The following PTPRM variants were observed in gnomAD, a reference collection of about 807,000 sequenced individuals.
The protein encoded by PTPRM is receptor-type tyrosine-protein phosphatase mu.
Under a neutral mutation model 186.7 loss-of-function variants are expected in PTPRM, and 47 were observed. That is an observed-to-expected ratio of 0.25 (90% CI 0.20 to 0.32). The LOEUF (loss-of-function observed/expected upper bound fraction) is 0.32. Among genes scored for constraint, PTPRM ranks in the 10% least tolerant of loss-of-function variants. The probability of loss-of-function intolerance (pLI) is 1.00; values close to 1 mark genes in which losing one functional copy is unlikely to be tolerated. For synonymous variants in PTPRM, 668 were observed against 674.9 expected (o/e 0.99, Z 0.16); for missense variants, 1,494 against 1,865.0 (o/e 0.80, Z 3.66).
rs1396643912 is a variant in PTPRM, at chr18:7,901,137, C to T, written c.469-5368C>T. ...CTGGGTTCTGCACACACTTGGTATA[C>T]TTCACTAGAGCAATACCTGTACTTT... On this transcript the variant is annotated intron_variant, in intron 3 of 32. Transcript: ENST00000580170. 5.3e-5 allele frequency among the ~76,000 whole-genome samples: 8 copies of T among 152,194 alleles called. No individual in the cohort carries two copies. In the East Asian group the frequency reaches 1.5e-3, roughly 29 times the overall value.
intron 5 of PTPRM, among the ~76,000 whole-genome samples, chr18:7,937,805 C>A (rs1296102545): frequency 6.6e-6 from 1 of 152,184 alleles, no homozygotes; most frequent in Non-Finnish European, 1.5e-5. Context: ...TTGTCGTCAT[C>A]AGCTTGTGTG....
intron 14 of PTPRM, among the ~76,000 whole-genome samples, chr18:8,207,050 G>A (rs1489349769): frequency 6.6e-6 from 1 of 152,128 alleles, no homozygotes; most frequent in Non-Finnish European, 1.5e-5. Context: ...TCTGGATTTG[G>A]GATTTCTGGG....
At position 7,888,141 on chromosome 18, in the gene PTPRM, G is replaced by A. The variant is rs1350205611; in HGVS notation, c.232G>A (p.Glu78Lys). 5.0e-6 allele frequency: 8 copies of A among 1,614,146 alleles called. No individual in the cohort carries two copies. Among genetic ancestry groups the A allele is most frequent in the South Asian group, 1.1e-5 (1 of 91,074 alleles). ...GCTGGTGAATGCCTCTGGGAGACCTGAGGGGCAGAGAGCCCACCTGCTCTT... is the reference window on the plus strand; with the variant it reads ...GCTGGTGAATGCCTCTGGGAGACCTAAGGGGCAGAGAGCCCACCTGCTCTT... Reference protein sequence around the residue: ...FMLVNASGRPEGQRAHLLLPQ... With the variant: ...FMLVNASGRPKGQRAHLLLPQ... Residue 78 changes from glutamate (E) to lysine (K), a missense_variant, in exon 3 of 33, where the codon GAG becomes AAG. Glu to Lys is a moderately conservative substitution (Grantham distance 56, BLOSUM62 1). Transcript: ENST00000580170.
chr18:8,240,618 G>GGAGAGAGAGAGAGAGAGA (rs372227037), intron 14 of PTPRM, among the ~76,000 whole-genome samples: 2 of 34,824 alleles, frequency 5.7e-5, no homozygotes, highest in Admixed American at 3.6e-4. Context: ...AGAGAGGGAG[G>GGAGAGAGAGAGAGAGAGA]GAGAGAGAGA....
At chr18:7,729,543 C>T (rs2040615508) in intron 1 of PTPRM, among the ~76,000 whole-genome samples, 1 of 151,344 alleles carries the variant, frequency 6.6e-6, no homozygotes. Flanking sequence ...AAAAACAGTA[C>T]AAAAGACTTA....
intron 1 of PTPRM, among the ~76,000 whole-genome samples, chr18:7,617,931 T>C (rs1404780391): frequency 6.6e-6 from 1 of 152,166 alleles, no homozygotes; most frequent in Non-Finnish European, 1.5e-5. Flanking sequence ...GTGAATTGGC[T>C]CTGAGGAAAA....
chr18:7,652,718 ACAGG>A (rs1214245708), intron 1 of PTPRM, among the ~76,000 whole-genome samples: 5 of 134,518 alleles, frequency 3.7e-5, no homozygotes, highest in African/African-American at 1.4e-4. Context: ...ACATATGGAC[ACAGG>A]CAGGGGAACA....
chr18:7,859,904 A>G (rs573425206), intron 2 of PTPRM, among the ~76,000 whole-genome samples: 3 of 152,222 alleles, frequency 2.0e-5, no homozygotes, highest in South Asian at 4.2e-4. Flanking sequence ...AACCATTTAC[A>G]TGGAAGCCAG....
intron 19 of PTPRM, among the ~76,000 whole-genome samples, chr18:8,263,489 G>T (rs564175528): frequency 3.6e-4 from 55 of 152,240 alleles, no homozygotes; most frequent in Admixed American, 9.8e-4. Flanking sequence ...TTTGGTCTTT[G>T]TGCCTGGTTC....
intron 21 of PTPRM, among the ~76,000 whole-genome samples, chr18:8,315,191 G>A (rs2095300117): frequency 6.6e-6 from 1 of 152,074 alleles, no homozygotes; most frequent in Non-Finnish European, 1.5e-5. Flanking sequence ...ATGCTTATGT[G>A]GACTAAGAAA....
intron 14 of PTPRM, among the ~76,000 whole-genome samples, chr18:8,195,178 A>G (rs75838687): frequency 1.4e-5 from 2 of 139,240 alleles, no homozygotes; most frequent in East Asian, 4.1e-4. Flanking sequence ...TTTTTTTTAA[A>G]TAATGTTCTG....
intron 2 of PTPRM, among the ~76,000 whole-genome samples, chr18:7,828,526 C>T (rs943884710): frequency 6.6e-6 from 1 of 152,106 alleles, no homozygotes; most frequent in Non-Finnish European, 1.5e-5. Flanking sequence ...GTCTCATGCT[C>T]CCTCATGGAT....
chr18:8,351,673 T>C (rs936554411), intron 23 of PTPRM, among the ~76,000 whole-genome samples: 4 of 152,186 alleles, frequency 2.6e-5, no homozygotes, highest in Non-Finnish European at 5.9e-5. Context: ...CTGCTGGAAA[T>C]AGCAGCAATT....
intron 2 of PTPRM, among the ~76,000 whole-genome samples, chr18:7,827,486 A>G (rs1341820396): frequency 6.6e-6 from 1 of 152,208 alleles, no homozygotes; most frequent in African/African-American, 2.4e-5. Context: ...CATTCTCTTG[A>G]GAGCAAATTA....
At chr18:7,851,426 C>T (rs1204264887) in intron 2 of PTPRM, among the ~76,000 whole-genome samples, 1 of 152,010 alleles carries the variant, frequency 6.6e-6, no homozygotes, top group Non-Finnish European at 1.5e-5. Context: ...GAACCAAAGA[C>T]AAGAGAAAGT....
intron 22 of PTPRM, among the ~76,000 whole-genome samples, chr18:8,335,601 G>A (rs2095434596): frequency 6.6e-6 from 1 of 152,222 alleles, no homozygotes; most frequent in Admixed American, 6.5e-5. Flanking sequence ...TTTATGATAT[G>A]TGGTGTTTTT....
chr18:8,089,410 A>G (rs2090598942), intron 11 of PTPRM, among the ~76,000 whole-genome samples: 1 of 152,192 alleles, frequency 6.6e-6, no homozygotes, highest in Non-Finnish European at 1.5e-5. Flanking sequence ...TTCCATGATG[A>G]TTTATATAGC....
intron 1 of PTPRM, among the ~76,000 whole-genome samples, chr18:7,590,099 G>A (rs2037084512): frequency 6.6e-6 from 1 of 152,150 alleles, no homozygotes; most frequent in African/African-American, 2.4e-5. Flanking sequence ...GCGAGAGCAT[G>A]GGTTTCCCCT....
chr18:7,717,884 G>T (rs1012826810), intron 1 of PTPRM, among the ~76,000 whole-genome samples: 6 of 152,184 alleles, frequency 3.9e-5, no homozygotes, highest in African/African-American at 1.4e-4. Context: ...GAAGTGGCTA[G>T]CCCTTTCCAG....
Sources: allele counts gnomAD v4.1 joint callset (sites outside exome capture counted in the v4.1 genomes callset), GRCh38; gene constraint gnomAD v4.1.1; transcripts MANE v1.5; gene names NCBI Gene and HGNC (gene_info 2026-07-23, HGNC 2026-07-21).